Variants in TBC1D19 observed in about 807,000 individuals in gnomAD.
The protein encoded by TBC1D19 is TBC1 domain family member 19.
TBC1D19 carries 60 observed loss-of-function variants against 89.0 expected under a neutral mutation model. That is an observed-to-expected ratio of 0.67 (90% confidence interval 0.55 to 0.84). The LOEUF is 0.84. Among genes scored for constraint, TBC1D19 ranks in the 40% least tolerant of loss-of-function variants. The pLI is 0.00. For missense variants in TBC1D19, 500 were observed against 610.8 expected (o/e 0.82, Z 1.91); for synonymous variants, 189 against 199.7 (o/e 0.95, Z 0.45).
At chr4:26,649,082 C>T (rs1744149588) in intron 7 of TBC1D19, among the ~76,000 whole-genome samples, 1 of 151,234 alleles carries the variant, frequency 6.6e-6, no homozygotes, top group African/African-American at 2.4e-5. Flanking sequence ...AGTATGATTC[C>T]TTATTTATGT....
the TBC1D19 span, among the ~76,000 whole-genome samples, chr4:26,812,323 G>A: frequency 6.6e-6 from 1 of 152,122 alleles, no homozygotes; most frequent in Non-Finnish European, 1.5e-5. This position sits in a 1 kb window ranked among gnomAD's most constrained non-coding sequence, Gnocchi z 4.2. Flanking sequence ...AGTGGGTGAG[G>A]CTTCCTGTTA....
At chr4:26,636,161 T>G (rs1197683495) in intron 4 of TBC1D19, among the ~76,000 whole-genome samples, 1 of 152,094 alleles carries the variant, frequency 6.6e-6, no homozygotes, top group East Asian at 1.9e-4. Context: ...CATTCTCCCC[T>G]TCTTTCCTTA....
chr4:26,814,949 G>T, the TBC1D19 span, among the ~76,000 whole-genome samples: 3 of 151,766 alleles, frequency 2.0e-5, no homozygotes, highest in Non-Finnish European at 4.4e-5. Flanking sequence ...CGGGACCCAG[G>T]AAGTTGAGGC....
rs529201701 is a variant in TBC1D19 at position 26,755,112 on chromosome 4, ACT to A, written c.*168_*169del. The A allele has an allele frequency of 1.3e-5, 6 of 456,608 alleles. No homozygotes were observed. The South Asian group carries it at 2.2e-4, about 17-fold the overall frequency. 28.3% of individuals were successfully genotyped at this position (456,608 alleles called of 1,614,324 possible). A position where few individuals can be genotyped will look rare whatever the true frequency, so the allele number is the denominator to read the frequency against. ...TAGTTTCTCACTTTTTGAAACAATA[ACT>A]CTGCACCAAATATTGCATCGCATGC... is the stretch of plus-strand genomic sequence containing the variant. On this transcript the variant is annotated 3_prime_UTR_variant, in exon 21 of 21. Coordinates refer to ENST00000264866, the MANE Select transcript of TBC1D19 (RefSeq NM_018317.4).
the TBC1D19 span, among the ~76,000 whole-genome samples, chr4:26,793,340 G>A: frequency 6.6e-6 from 1 of 152,186 alleles, no homozygotes; most frequent in Non-Finnish European, 1.5e-5. Flanking sequence ...CTGAACAAAA[G>A]TGGGAGTTTA....
the TBC1D19 span, among the ~76,000 whole-genome samples, chr4:26,794,764 G>A: frequency 8.5e-5 from 13 of 152,124 alleles, no homozygotes; most frequent in African/African-American, 3.1e-4. Context: ...TTAAAGTTCT[G>A]TAATTCAGTA....
intron 1 of TBC1D19, among the ~76,000 whole-genome samples, chr4:26,595,999 C>T (rs981345023): frequency 1.3e-4 from 19 of 151,790 alleles, no homozygotes; most frequent in Admixed American, 2.0e-4. Flanking sequence ...CTTTGTCGCC[C>T]GGGCTGGAGT....
At chr4:26,679,336 T>C (rs1194698159) in intron 11 of TBC1D19, among the ~76,000 whole-genome samples, 2 of 152,150 alleles carry the variant, frequency 1.3e-5, no homozygotes, top group Non-Finnish European at 2.9e-5. Context: ...AAGATACAGG[T>C]CAGGCCACTG....
At chr4:26,728,418 T>C (rs1577991818) in intron 15 of TBC1D19, among the ~76,000 whole-genome samples, 2 of 152,310 alleles carry the variant, frequency 1.3e-5, no homozygotes, top group South Asian at 4.1e-4. Context: ...AACATGTTTA[T>C]TGAAGAAAAG....
chr4:26,657,418 T>C (rs568987619), intron 7 of TBC1D19, among the ~76,000 whole-genome samples: 1 of 152,276 alleles, frequency 6.6e-6, no homozygotes, highest in South Asian at 2.1e-4. Flanking sequence ...CATGAACTCA[T>C]CCTTTTTTAT....
chr4:26,643,301 A>C (rs1376578850), intron 7 of TBC1D19, among the ~76,000 whole-genome samples: 1 of 152,230 alleles, frequency 6.6e-6, no homozygotes, highest in Non-Finnish European at 1.5e-5. Context: ...CTACATGGAA[A>C]CTGAACAACT....
At chr4:26,587,398 C>T (rs1422530862) in intron 1 of TBC1D19, among the ~76,000 whole-genome samples, 1 of 151,804 alleles carries the variant, frequency 6.6e-6, no homozygotes, top group African/African-American at 2.4e-5. Context: ...GGCAACATGG[C>T]AAAACCCTAT....
intron 4 of TBC1D19, among the ~76,000 whole-genome samples, chr4:26,622,684 T>C (rs561356265): frequency 6.6e-6 from 1 of 152,194 alleles, no homozygotes; most frequent in Non-Finnish European, 1.5e-5. Flanking sequence ...TTGTGACACA[T>C]GAAAACTATA....
At chr4:26,709,848 A>G (rs971896178) in intron 13 of TBC1D19, among the ~76,000 whole-genome samples, 9 of 151,970 alleles carry the variant, frequency 5.9e-5, no homozygotes, top group Non-Finnish European at 2.9e-5. Context: ...AATCCACTTT[A>G]TAGATGATTC....
the TBC1D19 span, among the ~76,000 whole-genome samples, chr4:26,811,782 G>T: frequency 1.3e-5 from 2 of 152,296 alleles, no homozygotes; most frequent in South Asian, 4.2e-4. Flanking sequence ...CATTGCCATG[G>T]CATTTGTAAA....
chr4:26,579,061 C>T (rs1052788152), intron 1 of TBC1D19, among the ~76,000 whole-genome samples: 6 of 152,130 alleles, frequency 3.9e-5, no homozygotes, highest in Admixed American at 6.5e-5. Context: ...AATGTCACCA[C>T]GATACTAAGC....
At chr4:26,600,818 T>A (rs988635090) in intron 1 of TBC1D19, among the ~76,000 whole-genome samples, 1 of 152,194 alleles carries the variant, frequency 6.6e-6, no homozygotes, top group African/African-American at 2.4e-5. Context: ...ACTTTCCATC[T>A]GAAACTAGAG....
chr4:26,797,834 C>A, the TBC1D19 span, among the ~76,000 whole-genome samples: 2 of 152,160 alleles, frequency 1.3e-5, no homozygotes, highest in African/African-American at 4.8e-5. Context: ...GGAAAACTAG[C>A]TCGACATATG....
At chr4:26,645,809 GA>G (rs1280956466) in intron 7 of TBC1D19, among the ~76,000 whole-genome samples, 1 of 152,068 alleles carries the variant, frequency 6.6e-6, no homozygotes, top group African/African-American at 2.4e-5. Flanking sequence ...ACATTTACAA[GA>G]AAAAAACAAC....
Sources: allele counts gnomAD v4.1 joint callset (sites outside exome capture counted in the v4.1 genomes callset), GRCh38; gene constraint gnomAD v4.1.1; non-coding constraint Gnocchi (gnomAD v3.1); transcripts MANE v1.5; gene names NCBI Gene and HGNC (gene_info 2026-07-23, HGNC 2026-07-21).